The following NRXN3 variants were observed in gnomAD, a reference collection of about 807,000 sequenced individuals.
The protein encoded by NRXN3 is neurexin III.
NRXN3 carries 32 observed loss-of-function variants against 137.6 expected under a neutral mutation model. The observed-to-expected ratio is 0.23, with a 90% CI of 0.18 to 0.31. The LOEUF is 0.31. NRXN3 is among the 10% of genes least tolerant of loss of function. The pLI is 1.00. For synonymous variants in NRXN3, 798 were observed against 784.5 expected (o/e 1.02, Z -0.29); for missense variants, 1,574 against 2,062.5 (o/e 0.76, Z 4.59).
At chr14:78,610,758 G>C (rs950156808) in intron 4 of NRXN3, among the ~76,000 whole-genome samples, 1 of 152,170 alleles carries the variant, frequency 6.6e-6, no homozygotes, top group Non-Finnish European at 1.5e-5. Flanking sequence ...TGAAACCATG[G>C]GGGGCAGGTG....
chr14:79,659,337 T>C (rs1038417106), intron 16 of NRXN3, among the ~76,000 whole-genome samples: 20 of 152,154 alleles, frequency 1.3e-4, no homozygotes, highest in Admixed American at 3.3e-4. Flanking sequence ...TGTGGAGTTA[T>C]TAAAATTTAT....
intron 4 of NRXN3, among the ~76,000 whole-genome samples, chr14:78,620,289 T>G (rs1415433318): frequency 6.6e-6 from 1 of 152,154 alleles, no homozygotes; most frequent in Non-Finnish European, 1.5e-5. Context: ...TACTGAGGTG[T>G]CTCCCTGGCC....
intron 15 of NRXN3, among the ~76,000 whole-genome samples, chr14:79,369,743 G>A (rs1409930391): frequency 6.6e-6 from 1 of 152,144 alleles, no homozygotes; most frequent in East Asian, 1.9e-4. Context: ...CTCTGCGCTA[G>A]TGTAATTTCT....
At chr14:79,372,922 GA>G (rs1020199896) in intron 15 of NRXN3, among the ~76,000 whole-genome samples, 18 of 151,950 alleles carry the variant, frequency 1.2e-4, no homozygotes, top group South Asian at 6.2e-4. Flanking sequence ...CTTAATTCTA[GA>G]AAAAAATATT....
At chr14:78,727,268 G>T (rs1024786824) in intron 8 of NRXN3, among the ~76,000 whole-genome samples, 2 of 152,208 alleles carry the variant, frequency 1.3e-5, no homozygotes, top group Admixed American at 6.5e-5. Context: ...GTACTTCACA[G>T]GGGTCTTTGT....
chr14:79,691,428 C>A (rs1173127112), intron 17 of NRXN3, among the ~76,000 whole-genome samples: 1 of 151,938 alleles, frequency 6.6e-6, no homozygotes, highest in African/African-American at 2.4e-5. Context: ...TATAAAATAT[C>A]GGTGCTCAAA....
intron 15 of NRXN3, among the ~76,000 whole-genome samples, chr14:79,251,000 G>A (rs1052267253): frequency 6.6e-6 from 1 of 152,192 alleles, no homozygotes; most frequent in African/African-American, 2.4e-5. Flanking sequence ...CAGGGAAATG[G>A]TGATTTGTTA....
intron 16 of NRXN3, among the ~76,000 whole-genome samples, chr14:79,631,492 C>G (rs887461875): frequency 6.6e-6 from 1 of 152,168 alleles, no homozygotes; most frequent in African/African-American, 2.4e-5. Flanking sequence ...ACTGGGCGCT[C>G]GCTGGCAGGC....
chr14:79,347,306 A>C (rs2092935593), intron 15 of NRXN3, among the ~76,000 whole-genome samples: 2 of 152,198 alleles, frequency 1.3e-5, no homozygotes, highest in Non-Finnish European at 2.9e-5. Flanking sequence ...ACAAAGTATT[A>C]ACTTGATCTA....
chr14:79,034,388 G>GA (rs1302437041), intron 15 of NRXN3, among the ~76,000 whole-genome samples: 11 of 149,326 alleles, frequency 7.4e-5, no homozygotes, highest in Admixed American at 4.0e-4. Flanking sequence ...AGGTTTTTTG[G>GA]AAAAAAAACA....
At chr14:79,473,227 C>A (rs1029622143) in intron 16 of NRXN3, among the ~76,000 whole-genome samples, 7 of 152,078 alleles carry the variant, frequency 4.6e-5, no homozygotes, top group East Asian at 1.9e-4. Context: ...AAAACTGGAA[C>A]TTTGAAAACA....
At chr14:78,585,093 T>C (rs2097048101) in intron 4 of NRXN3, among the ~76,000 whole-genome samples, 1 of 136,290 alleles carries the variant, frequency 7.3e-6, no homozygotes, top group Non-Finnish European at 1.5e-5. Flanking sequence ...CATTATTAGG[T>C]GGTGATAAAT....
chr14:78,314,794 A>G (rs7150775), intron 4 of NRXN3, among the ~76,000 whole-genome samples: 36,451 of 151,952 alleles, frequency 0.24, 4,773 homozygotes, highest in Middle Eastern at 0.31. Flanking sequence ...AAAGGTGAGT[A>G]TGGTTTCTAT....
chr14:79,221,670 A>T (rs942273109), intron 15 of NRXN3, among the ~76,000 whole-genome samples: 15 of 152,118 alleles, frequency 9.9e-5, no homozygotes, highest in African/African-American at 3.4e-4. Context: ...TCAGATGGAT[A>T]GATTGCAAAA....
chr14:78,234,992 TTTTATA>T (rs2065984938), intron 1 of NRXN3, among the ~76,000 whole-genome samples: 1 of 18,716 alleles, frequency 5.3e-5, no homozygotes, highest in African/African-American at 2.6e-4. Flanking sequence ...CCACAAATGC[TTTTATA>T]TATATATATA....
intron 10 of NRXN3, among the ~76,000 whole-genome samples, chr14:78,934,079 C>T (rs890299671): frequency 1.3e-4 from 19 of 148,800 alleles, no homozygotes; most frequent in Non-Finnish European, 2.5e-4. Flanking sequence ...GCTCTTTGAG[C>T]TTACCTTAGT....
rs1327652094 is a variant in NRXN3, at chr14:78,527,593, T to A, written c.758-117527T>A. 3.3e-5 allele frequency among the ~76,000 whole-genome samples: 5 copies of A among 152,202 alleles called. No homozygotes were observed. The South Asian group carries it at 1.0e-3, about 31-fold the overall frequency. ...CCTTCTTTTCTGTGTTATTTTTATG[T>A]CCAGCCTTACTGAACTTTCTAAGCT... On this transcript the variant is annotated intron_variant, in intron 4 of 20. Transcript: ENST00000335750.
chr14:78,639,364 C>T (rs2097595873), intron 4 of NRXN3, among the ~76,000 whole-genome samples: 1 of 152,186 alleles, frequency 6.6e-6, no homozygotes, highest in South Asian at 2.1e-4. Context: ...GAAGCTGGCT[C>T]CCACTCCTTT....
At chr14:79,582,710 C>A (rs2097728600) in intron 16 of NRXN3, among the ~76,000 whole-genome samples, 1 of 152,014 alleles carries the variant, frequency 6.6e-6, no homozygotes, top group Non-Finnish European at 1.5e-5. Context: ...TGAGTCCCCA[C>A]TGGATTTGAT....
Sources: gnomAD v4.1 joint callset for allele counts (sites outside exome capture counted in the v4.1 genomes callset) on GRCh38, gnomAD v4.1.1 for gene constraint, MANE v1.5 for transcripts, NCBI Gene and HGNC (gene_info 2026-07-23, HGNC 2026-07-21) for gene names.